Variants in TMEM132B observed in about 807,000 individuals in gnomAD.
TMEM132B encodes transmembrane protein 132B.
TMEM132B carries 18 observed loss-of-function variants against 90.8 expected under a neutral mutation model. The observed-to-expected ratio is 0.20, with a 90% CI of 0.14 to 0.29. The LOEUF (loss-of-function observed/expected upper bound fraction) is 0.29. TMEM132B is among the 10% of genes least tolerant of loss of function. The probability of loss-of-function intolerance (pLI) is 1.00; values close to 1 mark genes in which losing one functional copy is unlikely to be tolerated. For missense variants in TMEM132B, 1,096 were observed against 1,326.8 expected (o/e 0.83, Z 2.70); for synonymous variants, 504 against 523.3 (o/e 0.96, Z 0.50).
At chr12:125,352,264 G>A (rs763647370) in intron 2 of TMEM132B, among the ~76,000 whole-genome samples, 4 of 152,214 alleles carry the variant, frequency 2.6e-5, no homozygotes, top group Non-Finnish European at 2.9e-5. Context: ...CTAAATATAC[G>A]AAAGAGCTTT....
chr12:125,255,267 C>CTATTTCTCTTTCTT (rs1841223824), intron 1 of TMEM132B, among the ~76,000 whole-genome samples: 1 of 151,982 alleles, frequency 6.6e-6, no homozygotes, highest in African/African-American at 2.4e-5. Flanking sequence ...TCCTCTCTCT[C>CTATTTCTCTTTCTT]TCTTTCTCTT....
At chr12:125,454,054 G>A (rs540323930) in intron 3 of TMEM132B, among the ~76,000 whole-genome samples, 158 of 152,252 alleles carry the variant, frequency 1.0e-3, no homozygotes, top group African/African-American at 3.3e-3. Context: ...GAGCTGAATG[G>A]AGCTTTCAAG....
rs1817968377 is a variant in TMEM132B, at chr12:125,537,549, T to C, written c.1293+17924T>C. On this transcript the variant is annotated intron_variant, in intron 4 of 8. Coordinates refer to ENST00000682704, the MANE Select transcript of TMEM132B (RefSeq NM_001366854.1). ...CAATGGCTGCAGTGAGGGGCATCAC[T>C]GGGAGAGGAAGGAGGACGTGTGTTC... Among the ~76,000 whole-genome samples, 3 of 152,132 alleles carry C rather than the reference T, an allele frequency of 2.0e-5. No individual in the cohort carries two copies. The South Asian group carries it at 6.2e-4, about 32-fold the overall frequency.
Position 125,460,829 on chromosome 12 carries a change from A to G in TMEM132B, c.1106+45152A>G, listed in dbSNP as rs1463152085. 5.9e-5 allele frequency among the ~76,000 whole-genome samples: 9 copies of G among 152,198 alleles called. No homozygotes were observed. ...CAAAATCAAATCTTGGCCTTTCCTTACAATCTTTTACTTCTGGTCTTTTGA... is the reference window on the plus strand; with the variant it reads ...CAAAATCAAATCTTGGCCTTTCCTTGCAATCTTTTACTTCTGGTCTTTTGA... On this transcript the variant is annotated intron_variant, in intron 3 of 8. Transcript: ENST00000682704. The surrounding 1 kb of genome is among the most constrained non-coding windows in gnomAD (Gnocchi z 4.4).
At chr12:125,464,235 T>G (rs954691796) in intron 3 of TMEM132B, among the ~76,000 whole-genome samples, 3 of 152,156 alleles carry the variant, frequency 2.0e-5, no homozygotes, top group African/African-American at 7.2e-5. Context: ...GAGCAGAATA[T>G]CAGTGAGCCT....
chr12:125,378,929 G>GT (rs1369191104), intron 2 of TMEM132B, among the ~76,000 whole-genome samples: 1 of 152,150 alleles, frequency 6.6e-6, no homozygotes, highest in East Asian at 1.9e-4. Context: ...GTTGTTGGAG[G>GT]TTTGAGTGAG....
intron 6 of TMEM132B, among the ~76,000 whole-genome samples, chr12:125,646,545 C>G (rs1232365746): frequency 6.6e-6 from 1 of 152,168 alleles, no homozygotes; most frequent in African/African-American, 2.4e-5. Flanking sequence ...AGGGAAGTGC[C>G]CTCGTCTCCT....
At chr12:125,595,796 C>G (rs928170319) in intron 5 of TMEM132B, among the ~76,000 whole-genome samples, 17 of 151,744 alleles carry the variant, frequency 1.1e-4, no homozygotes, top group Admixed American at 1.1e-3. Context: ...TTCTAGACCA[C>G]TGCATTAAAG....
intron 3 of TMEM132B, among the ~76,000 whole-genome samples, chr12:125,453,879 T>C (rs190145037): frequency 1.1e-3 from 170 of 152,308 alleles, no homozygotes; most frequent in Non-Finnish European, 1.9e-3. Context: ...CTTGTCACCA[T>C]GCCACAGCCA....
chr12:125,326,443 T>C (rs1794989735), intron 1 of TMEM132B: 2 of 699,586 alleles, frequency 2.9e-6, no homozygotes, highest in Non-Finnish European at 4.9e-6. Context: ...CTGTTTCCAA[T>C]GAAGACAATA....
At chr12:125,526,603 T>G (rs1302950575) in intron 4 of TMEM132B, among the ~76,000 whole-genome samples, 1 of 152,182 alleles carries the variant, frequency 6.6e-6, no homozygotes, top group African/African-American at 2.4e-5. Flanking sequence ...AGACTTATGA[T>G]TTAGGACTTT....
Position 125,259,403 on chromosome 12 carries a change from T to G in TMEM132B, c.67+72537T>G, listed in dbSNP as rs141993610. On this transcript the variant is annotated intron_variant, in intron 1 of 8. Coordinates refer to ENST00000682704, the MANE Select transcript of TMEM132B (RefSeq NM_001366854.1). ...GCCTGGCAGAGGGTTTCTCCTTGAG[T>G]TGGATGTCTGTCACTTCAGTAATTG... Among the ~76,000 whole-genome samples, 45 of 152,222 alleles carry G rather than the reference T, an allele frequency of 3.0e-4. 1 individual carries two copies. The highest frequency in any genetic ancestry group is 1.1e-3 in the African/African-American group (44 of 41,528).
intron 3 of TMEM132B, among the ~76,000 whole-genome samples, chr12:125,450,038 A>G (rs1477518167): frequency 6.6e-6 from 1 of 152,170 alleles, no homozygotes; most frequent in Non-Finnish European, 1.5e-5. Context: ...ATGGGTATGC[A>G]TGTATGTTTA....
intron 2 of TMEM132B, among the ~76,000 whole-genome samples, chr12:125,403,460 C>T (rs748934903): frequency 2.0e-5 from 3 of 152,164 alleles, no homozygotes; most frequent in Non-Finnish European, 2.9e-5. Flanking sequence ...AGTGGTGAGA[C>T]CATTATCTTT....
At chr12:125,611,401 T>G (rs1566088965) in intron 5 of TMEM132B, among the ~76,000 whole-genome samples, 1 of 152,082 alleles carries the variant, frequency 6.6e-6, no homozygotes, top group African/African-American at 2.4e-5. Flanking sequence ...ATGATATATT[T>G]CATTAATTCA....
chr12:125,424,105 AT>A, intron 3 of TMEM132B, among the ~76,000 whole-genome samples: 1 of 151,870 alleles, frequency 6.6e-6, no homozygotes, highest in Non-Finnish European at 1.5e-5. Flanking sequence ...CCCATATTTC[AT>A]TTTTTTCCTC....
intron 7 of TMEM132B, among the ~76,000 whole-genome samples, 196 bp downstream of exon 7, chr12:125,651,149 C>A (rs1566102239): frequency 2.0e-5 from 3 of 152,180 alleles, no homozygotes; most frequent in African/African-American, 4.8e-5. Context: ...ATTTTAATAA[C>A]CTAAACTCAG....
At chr12:125,205,965 A>G (rs940335538) in intron 1 of TMEM132B, among the ~76,000 whole-genome samples, 1 of 152,136 alleles carries the variant, frequency 6.6e-6, no homozygotes, top group Non-Finnish European at 1.5e-5. Flanking sequence ...AGTCACCGAA[A>G]ATGCCTCTAA....
At chr12:125,589,299 G>A (rs528277232) in intron 5 of TMEM132B, among the ~76,000 whole-genome samples, 22 of 151,998 alleles carry the variant, frequency 1.4e-4, no homozygotes, top group South Asian at 4.2e-4. Context: ...TGGCTAACAC[G>A]GTGAAACCCT....
Sources: allele counts gnomAD v4.1 joint callset (sites outside exome capture counted in the v4.1 genomes callset), GRCh38; gene constraint gnomAD v4.1.1; non-coding constraint Gnocchi (gnomAD v3.1); transcripts MANE v1.5; gene names NCBI Gene and HGNC (gene_info 2026-07-23, HGNC 2026-07-21).